The following ERC1 variants were observed in gnomAD, a reference collection of about 807,000 sequenced individuals.
The protein encoded by ERC1 is ELKS/RAB6-interacting/CAST family member 1.
In ERC1, 56 loss-of-function variants were observed where a neutral mutation model predicts 132.0. That is an observed-to-expected ratio of 0.42 (90% CI 0.34 to 0.53). The LOEUF (loss-of-function observed/expected upper bound fraction) is 0.53. Ranked by LOEUF, ERC1 falls within the 20% of genes least tolerant of loss-of-function variation. The probability of loss-of-function intolerance (pLI) is 0.03; values close to 1 mark genes in which losing one functional copy is unlikely to be tolerated. For synonymous variants in ERC1, 478 were observed against 476.1 expected (o/e 1.00, Z -0.05); for missense variants, 1,202 against 1,349.9 (o/e 0.89, Z 1.72).
intron 15 of ERC1, among the ~76,000 whole-genome samples, chr12:1,294,728 T>C (rs1164987521): frequency 1.3e-5 from 2 of 152,236 alleles, no homozygotes; most frequent in East Asian, 3.8e-4. Flanking sequence ...GTTAACCTAA[T>C]TGCAATACCC....
chr12:1,334,545 G>C lies in ERC1; in HGVS notation c.2781-37288G>C, dbSNP rs113916971. ...GTTTGTTGAAGATCAGATAGTTCTA[G>C]ATGTGCAACCTTATTTTGGGGCTCT... is the stretch of plus-strand genomic sequence containing the variant. On this transcript the variant is annotated intron_variant, in intron 15 of 18. Transcript: ENST00000360905. 7.8e-3 allele frequency among the ~76,000 whole-genome samples: 1,192 copies of C among 152,266 alleles called. 9 individuals are homozygous for C. The highest frequency in any genetic ancestry group is 0.025 in the African/African-American group (1,033 of 41,554).
intron 14 of ERC1, among the ~76,000 whole-genome samples, chr12:1,276,582 T>TA (rs1330413155): frequency 6.6e-6 from 1 of 152,114 alleles, no homozygotes. Flanking sequence ...CTGTTTTTTT[T>TA]TTTTAATAAC....
intron 1 of ERC1, among the ~76,000 whole-genome samples, chr12:1,004,791 G>T (rs1440054771): frequency 2.8e-5 from 4 of 145,380 alleles, no homozygotes; most frequent in East Asian, 2.0e-4. Context: ...CTTTTCTCTG[G>T]CTGCCTGCCT....
chr12:1,385,495 A>G (rs2089228559), intron 16 of ERC1, among the ~76,000 whole-genome samples: 1 of 152,176 alleles, frequency 6.6e-6, no homozygotes, highest in Non-Finnish European at 1.5e-5. Flanking sequence ...CGTGTTAGCC[A>G]GGATGGTCTC....
intron 3 of ERC1, among the ~76,000 whole-genome samples, chr12:1,094,245 T>A (rs1760520443): frequency 6.6e-6 from 1 of 151,344 alleles, no homozygotes. Flanking sequence ...TCTCAAACTC[T>A]TGACCTCAAG....
chr12:1,335,718 T>A lies in ERC1; in HGVS notation c.2781-36115T>A, dbSNP rs979425054. 3.9e-5 allele frequency among the ~76,000 whole-genome samples: 6 copies of A among 152,318 alleles called. No homozygotes were observed. The South Asian group carries it at 1.2e-3, about 32-fold the overall frequency. On this transcript the variant is annotated intron_variant, in intron 15 of 18. Coordinates refer to ENST00000360905, the MANE Select transcript of ERC1 (RefSeq NM_178040.4). ...GTTTTATCTCTGCCAGGTTTTGATA[T>A]CAGGATGATGCCGACCTCGTAGAAT... is the stretch of plus-strand genomic sequence containing the variant.
intron 7 of ERC1, among the ~76,000 whole-genome samples, chr12:1,127,184 G>T (rs960135508): frequency 9.9e-5 from 15 of 152,068 alleles, no homozygotes; most frequent in Non-Finnish European, 2.1e-4. Context: ...TCATCAAATT[G>T]ATAAAAATTA....
At chr12:1,121,074 G>A (rs1436445670) in intron 7 of ERC1, among the ~76,000 whole-genome samples, 2 of 152,152 alleles carry the variant, frequency 1.3e-5, no homozygotes, top group Non-Finnish European at 2.9e-5. Context: ...CTTGTACCAT[G>A]GAGGGTTTGT....
chr12:1,327,048 ACT>A (rs1227846510), intron 15 of ERC1, among the ~76,000 whole-genome samples: 1 of 151,976 alleles, frequency 6.6e-6, no homozygotes, highest in Non-Finnish European at 1.5e-5. Context: ...TTTAAATTTA[ACT>A]CTTTTTATAC....
chr12:1,083,132 AT>A (rs774055002), intron 2 of ERC1, 31 bp from the exon 3 acceptor site: 1 of 1,570,542 alleles, frequency 6.4e-7, no homozygotes, highest in Admixed American at 1.9e-5. Flanking sequence ...AGGAAAGCTG[AT>A]TTGGGGGTTT....
At chr12:1,354,008 C>T (rs1470698239) in intron 15 of ERC1, among the ~76,000 whole-genome samples, 1 of 150,648 alleles carries the variant, frequency 6.6e-6, no homozygotes, top group Non-Finnish European at 1.5e-5. Flanking sequence ...ACCATTCCCC[C>T]TCAGTTCTTC....
chr12:1,333,330 A>ATTTTTTT (rs36055111), intron 15 of ERC1, among the ~76,000 whole-genome samples: 2 of 110,724 alleles, frequency 1.8e-5, no homozygotes, highest in South Asian at 3.0e-4. Flanking sequence ...TATGTACCGC[A>ATTTTTTT]TTTTTTTTTT....
chr12:1,096,267 G>C (rs1417430657), intron 3 of ERC1, among the ~76,000 whole-genome samples: 1 of 152,108 alleles, frequency 6.6e-6, no homozygotes, highest in Non-Finnish European at 1.5e-5. Flanking sequence ...TTTTCTTTAG[G>C]AATTAGGTGA....
intron 13 of ERC1, among the ~76,000 whole-genome samples, chr12:1,260,545 GT>G (rs1413854293): frequency 2.6e-5 from 4 of 152,304 alleles, no homozygotes; most frequent in Non-Finnish European, 4.4e-5. Flanking sequence ...ATTTCTTACA[GT>G]GGCTCAACAT....
At chr12:1,065,689 TTGGC>T (rs1235554945) in intron 2 of ERC1, among the ~76,000 whole-genome samples, 1 of 152,170 alleles carries the variant, frequency 6.6e-6, no homozygotes, top group East Asian at 1.9e-4. Context: ...TGTGTCTACT[TTGGC>T]ATCTGTGCAT....
chr12:1,388,315 A>C (rs1326851955), intron 16 of ERC1, among the ~76,000 whole-genome samples: 2 of 142,574 alleles, frequency 1.4e-5, no homozygotes, highest in Admixed American at 7.7e-5. Context: ...GCGCCACCGC[A>C]CTCCAGCCTG....
At chr12:1,127,870 C>T (rs918675269) in intron 7 of ERC1, among the ~76,000 whole-genome samples, 1 of 152,138 alleles carries the variant, frequency 6.6e-6, no homozygotes, top group African/African-American at 2.4e-5. Context: ...AGCGGATAGA[C>T]CTTGGTCCTA....
At chr12:1,116,592 C>T (rs1382268358) in intron 7 of ERC1, among the ~76,000 whole-genome samples, 1 of 143,298 alleles carries the variant, frequency 7.0e-6, no homozygotes, top group African/African-American at 2.6e-5. Flanking sequence ...TTTGAGATGG[C>T]CTCTCGCTCT....
chr12:1,271,645 C>T (rs576973263), intron 14 of ERC1, among the ~76,000 whole-genome samples: 3 of 152,244 alleles, frequency 2.0e-5, no homozygotes, highest in South Asian at 4.2e-4. Flanking sequence ...ACTATGGCCT[C>T]GAACTCCTGG....
Sources: allele counts gnomAD v4.1 joint callset (sites outside exome capture counted in the v4.1 genomes callset), GRCh38; gene constraint gnomAD v4.1.1; transcripts MANE v1.5; gene names NCBI Gene and HGNC (gene_info 2026-07-23, HGNC 2026-07-21).